Variants in FAT1 observed in about 807,000 individuals in gnomAD.
The protein encoded by FAT1 is protocadherin Fat 1.
A neutral mutation model predicts 329.8 loss-of-function variants in FAT1; 171 were observed. The ratio of observed to expected loss-of-function variants is 0.52; its 90% confidence interval spans 0.46 to 0.59. The LOEUF (loss-of-function observed/expected upper bound fraction) is 0.59. FAT1 is among the 20% of genes least tolerant of loss of function. The pLI is 0.00. For missense variants in FAT1, 5,672 were observed against 5,774.4 expected, an observed-to-expected ratio of 0.98 and a Z score of 0.57; for synonymous variants, 2,233 against 2,228.6, an observed-to-expected ratio of 1.00 and a Z score of -0.06.
intron 7 of FAT1, among the ~76,000 whole-genome samples, chr4:186,631,814 C>T (rs956851076): frequency 2.0e-5 from 3 of 152,200 alleles, no homozygotes; most frequent in Non-Finnish European, 2.9e-5. Flanking sequence ...AATCCATCCC[C>T]GCTGTATCCT....
rs779166422 is a variant in FAT1 at position 186,603,507 on chromosome 4, C to T, written c.11019G>A (p.Val3673=). 1 of 1,613,978 alleles carries T rather than the reference C, an allele frequency of 6.2e-7. No homozygotes were observed. The highest frequency in any genetic ancestry group is 8.5e-7 in the Non-Finnish European group (1 of 1,179,882). Residue 3673 remains valine, a synonymous_variant, in exon 19 of 27, where the codon GTG becomes GTA. Coordinates refer to ENST00000441802, the MANE Select transcript of FAT1 (RefSeq NM_005245.4). ...FQRALRNILG[V]RRNDIQIVSL... ...TAACAATCTGTATGTCGTTCCTCCTCACACCCAGGATGTTCCGTAAAGCTC... is the reference window on the plus strand; with the variant it reads ...TAACAATCTGTATGTCGTTCCTCCTTACACCCAGGATGTTCCGTAAAGCTC...
At chr4:186,623,744 T>A (rs1053793851) in intron 9 of FAT1, among the ~76,000 whole-genome samples, 1 of 152,222 alleles carries the variant, frequency 6.6e-6, no homozygotes, top group East Asian at 1.9e-4. Flanking sequence ...CAGTGTCTGA[T>A]GCATCCTCTC....
Position 186,603,571 on chromosome 4 carries a change from G to A in FAT1, c.10955C>T (p.Pro3652Leu), listed in dbSNP as rs756919389. 3.7e-6 allele frequency: 6 copies of A among 1,613,848 alleles called. No individual in the cohort carries two copies. The highest frequency in any genetic ancestry group is 3.3e-5 in the Admixed American group (2 of 60,006). The change falls in exon 19 of 27, where the codon CCG becomes CTG. Residue 3652 changes from proline (P) to leucine (L), a missense_variant. Physicochemically the swap from Pro to Leu is moderately conservative, Grantham distance 98. Transcript: ENST00000441802. ...CCAGTAGTCACCAACGAATTCTTCCGGAGTGAGGTTGGCAAAGCGGATCGC... is the reference window on the plus strand; with the variant it reads ...CCAGTAGTCACCAACGAATTCTTCCAGAGTGAGGTTGGCAAAGCGGATCGC... ...TIAIRFANLT[P>L]EEFVGDYWRN... is the part of the protein sequence containing the mutation.
intron 7 of FAT1, among the ~76,000 whole-genome samples, chr4:186,631,876 G>A (rs1010942707): frequency 1.3e-5 from 2 of 152,074 alleles, no homozygotes; most frequent in African/African-American, 4.8e-5. Context: ...GGTGGCAGCT[G>A]CTGCACCCCC....
chr4:186,620,098 G>A lies in FAT1; in HGVS notation c.6488C>T (p.Ala2163Val), dbSNP rs2126512358. Residue 2163 changes from alanine to valine, a missense_variant, in exon 10 of 27, where the codon GCC becomes GTC. By Grantham distance (64) the Ala-to-Val change is moderately conservative. Around this residue, in one of 2 missense-constraint regions of FAT1, gnomAD observed 3,966 missense variants for 3,915.2 expected, o/e 1.01. Coordinates refer to ENST00000441802, the MANE Select transcript of FAT1 (RefSeq NM_005245.4). ...CGGAACGATAACTTCCGCTGAAAAG[G>A]CCGGGTTCCCTCCATCTTTTGCAAC... ...TVVAKDGGNPAFSAEVIVPIT... is the reference protein window; with the variant it reads ...TVVAKDGGNPVFSAEVIVPIT... 6.2e-7 allele frequency: 1 copy of A among 1,614,008 alleles called. No individual in the cohort carries two copies. The highest frequency in any genetic ancestry group is 1.7e-5 in the Admixed American group (1 of 60,016).
At chr4:186,639,870 C>T (rs764397736) in intron 3 of FAT1, 87 bp from the exon 4 acceptor site, 27 of 1,148,678 alleles carry the variant, frequency 2.4e-5, no homozygotes, top group African/African-American at 1.2e-4. Context: ...TGGCCAGGTG[C>T]GGTAGCTCAT....
intron 2 of FAT1, among the ~76,000 whole-genome samples, chr4:186,676,709 C>T (rs74984015): frequency 0.016 from 2,506 of 152,286 alleles, 83 homozygotes; most frequent in African/African-American, 0.057. Context: ...TACAGTCAAG[C>T]ACTACATTGG....
chr4:186,707,974 G>A lies in FAT1; in HGVS notation c.1854C>T (p.Asn618=), dbSNP rs894966180. ...TTAATGACAATACCCCCGAGTTGGG[G>A]TTTAAACTAAAGAAATCCAGTTCAT... ...AGNELDFFSL[N]PNSGVLSLKR... Residue 618 remains asparagine (N), a synonymous_variant, in exon 2 of 27, where the codon AAC becomes AAT. Transcript: ENST00000441802. 1.2e-6 allele frequency: 2 copies of A among 1,613,944 alleles called. No individual in the cohort carries two copies. Among genetic ancestry groups the A allele is most frequent in the Non-Finnish European group, 1.7e-6 (2 of 1,179,890 alleles).
At chr4:186,608,907 A>C (rs1739264504) in intron 16 of FAT1, among the ~76,000 whole-genome samples, 1 of 152,224 alleles carries the variant, frequency 6.6e-6, no homozygotes. Flanking sequence ...TTTAAAACCC[A>C]GCTTCTAGCT....
At chr4:186,704,330 G>A (rs967173610) in intron 2 of FAT1, among the ~76,000 whole-genome samples, 12 of 151,940 alleles carry the variant, frequency 7.9e-5, no homozygotes, top group Non-Finnish European at 1.3e-4. Context: ...ACACCACCTC[G>A]TTTGGCTGGT....
intron 2 of FAT1, among the ~76,000 whole-genome samples, chr4:186,671,903 T>A (rs167854): frequency 0.17 from 26,183 of 151,936 alleles, 2,647 homozygotes; most frequent in African/African-American, 0.26. Flanking sequence ...TGGACTAAAA[T>A]AGAACAAGAA....
In FAT1 at chr4:186,706,701, C is replaced by T. The variant is rs372605617; in HGVS notation, c.3127G>A (p.Val1043Met). 1.3e-4 allele frequency: 207 copies of T among 1,613,886 alleles called. 1 individual carries two copies. The highest frequency in any genetic ancestry group is 2.9e-4 in the South Asian group (26 of 91,080). ...GAACCAACAGGTGCATCTTCTTTCACTGTCCCCTTTTCCACAAAGCTGGAA... is the reference window on the plus strand; with the variant it reads ...GAACCAACAGGTGCATCTTCTTTCATTGTCCCCTTTTCCACAAAGCTGGAA... ...VFSSFVEKGT[V>M]KEDAPVGSLV... The change falls in exon 2 of 27, where the codon GTG becomes ATG. Residue 1043 changes from valine (V) to methionine (M), a missense_variant. This residue lies in a region of FAT1 where 3,966 missense variants were observed against 3,915.2 expected (regional missense o/e 1.01). Coordinates refer to ENST00000441802, the MANE Select transcript of FAT1 (RefSeq NM_005245.4).
chr4:186,651,287 G>T (rs574595683), intron 3 of FAT1, among the ~76,000 whole-genome samples: 1 of 152,014 alleles, frequency 6.6e-6, no homozygotes, highest in African/African-American at 2.4e-5. Context: ...CTACGGATCT[G>T]TACCCAACCA....
At chr4:186,645,179 A>G (rs1427329895) in intron 3 of FAT1, among the ~76,000 whole-genome samples, 4 of 151,824 alleles carry the variant, frequency 2.6e-5, no homozygotes, top group African/African-American at 9.7e-5. Context: ...ACCGAGGACC[A>G]GCTGGCCACC....
chr4:186,589,483 G>C (rs994779127), intron 26 of FAT1, among the ~76,000 whole-genome samples: 1 of 152,140 alleles, frequency 6.6e-6, no homozygotes, highest in African/African-American at 2.4e-5. Context: ...AACAAAAGGA[G>C]TCCTAAGAGA....
intron 1 of FAT1, among the ~76,000 whole-genome samples, chr4:186,716,621 T>A (rs1170334479): frequency 6.6e-6 from 1 of 152,334 alleles, no homozygotes; most frequent in East Asian, 1.9e-4. Context: ...TTTCACCATG[T>A]TGCCCAGGCT....
chr4:186,614,405 G>A, intron 11 of FAT1, 61 bp from the exon 12 acceptor site: 1 of 1,082,954 alleles, frequency 9.2e-7, no homozygotes, highest in South Asian at 2.1e-5. Flanking sequence ...CAAACATCAA[G>A]GGAATAATGG....
At chr4:186,664,706 T>C (rs1001580567) in intron 2 of FAT1, among the ~76,000 whole-genome samples, 1 of 152,192 alleles carries the variant, frequency 6.6e-6, no homozygotes, top group Non-Finnish European at 1.5e-5. Flanking sequence ...TGGTGCAATC[T>C]CGCCCTTTGT....
intron 2 of FAT1, among the ~76,000 whole-genome samples, chr4:186,696,499 GGCA>G (rs1744048032): frequency 6.6e-6 from 1 of 152,102 alleles, no homozygotes; most frequent in African/African-American, 2.4e-5. Context: ...CCCCTGAGCA[GGCA>G]GCTACTCGGT....
Sources: allele counts gnomAD v4.1 joint callset (sites outside exome capture counted in the v4.1 genomes callset), GRCh38; gene constraint gnomAD v4.1.1; regional missense constraint gnomAD v4.1.1; transcripts MANE v1.5; gene names NCBI Gene and HGNC (gene_info 2026-07-23, HGNC 2026-07-21).